The following IL1RAPL2 variants were observed in gnomAD, a reference collection of about 807,000 sequenced individuals.
IL1RAPL2 encodes the protein X-linked interleukin-1 receptor accessory protein-like 2.
In IL1RAPL2, 3 loss-of-function variants were observed where a neutral mutation model predicts 44.1. The observed-to-expected ratio is 0.07, with a 90% CI of 0.03 to 0.18. IL1RAPL2 has a LOEUF of 0.18. Ranked by LOEUF, IL1RAPL2 falls within the 10% of genes least tolerant of loss-of-function variation. The pLI, the probability that IL1RAPL2 is intolerant of heterozygous loss-of-function variation, is 1.00. For synonymous variants in IL1RAPL2, 181 were observed against 178.8 expected, an observed-to-expected ratio of 1.01 and a Z score of -0.10; for missense variants, 391 against 496.4, an observed-to-expected ratio of 0.79 and a Z score of 2.02.
intron 2 of IL1RAPL2, among the ~76,000 whole-genome samples, chrX:104,788,034 T>A (rs1265931534): frequency 9.0e-6 from 1 of 111,395 alleles, no homozygotes; most frequent in African/African-American, 3.3e-5. Flanking sequence ...AATCAGTAGA[T>A]GGCTGTGACA....
chrX:105,683,201 T>C (rs2037940106), intron 6 of IL1RAPL2, among the ~76,000 whole-genome samples: 1 of 111,847 alleles, frequency 8.9e-6, no homozygotes, highest in Non-Finnish European at 1.9e-5. Flanking sequence ...ACCTTTCTTA[T>C]AGTAGGTGAA....
intron 1 of IL1RAPL2, among the ~76,000 whole-genome samples, chrX:104,579,497 T>C (rs1459198334): frequency 9.0e-6 from 1 of 111,724 alleles, no homozygotes; most frequent in Non-Finnish European, 1.9e-5. Context: ...TGCAAGCTAA[T>C]GCAGGAACAG....
At chrX:105,097,704 A>T (rs1212582751) in intron 2 of IL1RAPL2, among the ~76,000 whole-genome samples, 1 of 111,475 alleles carries the variant, frequency 9.0e-6, no homozygotes, top group East Asian at 2.8e-4. Flanking sequence ...AATTAACTGT[A>T]ATTGAAAAAT....
chrX:105,482,296 A>AT (rs954480017), intron 5 of IL1RAPL2, among the ~76,000 whole-genome samples: 7 of 111,587 alleles, frequency 6.3e-5, no homozygotes, highest in Admixed American at 2.9e-4. Flanking sequence ...AAACATATTC[A>AT]TTTTTTTTAA....
intron 2 of IL1RAPL2, among the ~76,000 whole-genome samples, chrX:104,688,181 C>T (rs1931021707): frequency 1.8e-5 from 2 of 111,862 alleles, no homozygotes; most frequent in African/African-American, 6.5e-5. Context: ...TTCTGTCACC[C>T]GTCTTTCTAT....
chrX:105,267,399 A>G lies in IL1RAPL2; in HGVS notation c.555A>G (p.Pro185=), dbSNP rs146518821. ...PDVVWYKECK[P]KMWRSIIIQK... ...TATTTTATCTGCAGGAATGCAAGCC[A>G]AAAATGTGGAGAAGCATAATAATAC... Residue 185 remains proline, a synonymous_variant, in exon 5 of 11, where the codon CCA becomes CCG. Transcript: ENST00000372582. 27 of 1,193,894 alleles carry G rather than the reference A, an allele frequency of 2.3e-5. No homozygotes were observed. The highest frequency in any genetic ancestry group is 7.1e-5 in the African/African-American group (4 of 56,357).
chrX:104,945,463 A>T (rs905267314), intron 2 of IL1RAPL2, among the ~76,000 whole-genome samples: 2 of 111,105 alleles, frequency 1.8e-5, no homozygotes, highest in African/African-American at 6.5e-5. Context: ...AACTAAGAAA[A>T]TGTTTAAATG....
At chrX:105,292,675 T>C (rs1282044629) in intron 5 of IL1RAPL2, among the ~76,000 whole-genome samples, 1 of 111,989 alleles carries the variant, frequency 8.9e-6, no homozygotes, top group Non-Finnish European at 1.9e-5. Context: ...ATAAATATGT[T>C]ATGTAATAAA....
intron 2 of IL1RAPL2, among the ~76,000 whole-genome samples, chrX:104,930,333 C>T (rs1162970034): frequency 8.9e-6 from 1 of 112,005 alleles, no homozygotes; most frequent in African/African-American, 3.2e-5. Context: ...GTGCAGGGAA[C>T]CTCTGGAGAG....
intron 2 of IL1RAPL2, among the ~76,000 whole-genome samples, chrX:104,880,108 T>G (rs1923023244): frequency 9.0e-6 from 1 of 111,477 alleles, no homozygotes; most frequent in Non-Finnish European, 1.9e-5. Context: ...TACTTCTCCT[T>G]TAAGTAATTG....
At chrX:105,356,292 T>C (rs984155658) in intron 5 of IL1RAPL2, among the ~76,000 whole-genome samples, 2 of 110,759 alleles carry the variant, frequency 1.8e-5, no homozygotes, top group African/African-American at 6.6e-5. Flanking sequence ...GTTCAGTTTT[T>C]CTTAATGGGA....
chrX:104,914,548 C>A (rs1031549567), intron 2 of IL1RAPL2, among the ~76,000 whole-genome samples: 2 of 111,532 alleles, frequency 1.8e-5, no homozygotes, highest in South Asian at 7.6e-4. Flanking sequence ...ACAAAACACA[C>A]ATGTTGTGAT....
intron 1 of IL1RAPL2, among the ~76,000 whole-genome samples, chrX:104,657,761 C>A (rs1930299137): frequency 9.1e-6 from 1 of 110,086 alleles, no homozygotes; most frequent in African/African-American, 3.3e-5. Context: ...ACAAAGAGCT[C>A]AAACAAATTT....
intron 1 of IL1RAPL2, among the ~76,000 whole-genome samples, chrX:104,581,078 A>C (rs1313773344): frequency 8.9e-6 from 1 of 112,564 alleles, no homozygotes. Context: ...AGTGTTTTAA[A>C]TTATGCATCT....
intron 2 of IL1RAPL2, among the ~76,000 whole-genome samples, chrX:104,895,940 G>T (rs917602017): frequency 8.9e-6 from 1 of 111,907 alleles, no homozygotes; most frequent in Non-Finnish European, 1.9e-5. Context: ...CTCCCAAATA[G>T]ACTCTTTGGC....
intron 4 of IL1RAPL2, among the ~76,000 whole-genome samples, chrX:105,245,354 T>G (rs143006727): frequency 3.0e-4 from 34 of 111,783 alleles, no homozygotes; most frequent in African/African-American, 1.1e-3. Flanking sequence ...CTGCACGTAA[T>G]CACAGCTGGA....
intron 6 of IL1RAPL2, among the ~76,000 whole-genome samples, chrX:105,516,601 T>A (rs1010077434): frequency 6.3e-5 from 7 of 111,991 alleles, no homozygotes; most frequent in Non-Finnish European, 1.9e-5. Flanking sequence ...GAAAATCTCT[T>A]TGAAAACAGA....
intron 2 of IL1RAPL2, among the ~76,000 whole-genome samples, chrX:104,676,369 G>A (rs973399151): frequency 1.8e-5 from 2 of 110,009 alleles, no homozygotes; most frequent in African/African-American, 6.6e-5. Context: ...AGCTTAGTTT[G>A]GCTGGATATG....
intron 6 of IL1RAPL2, among the ~76,000 whole-genome samples, chrX:105,671,590 G>T (rs2037825038): frequency 8.9e-6 from 1 of 111,813 alleles, no homozygotes; most frequent in Non-Finnish European, 1.9e-5. Flanking sequence ...TCAAAAATTT[G>T]TCTTTGTGTT....
Sources: gnomAD v4.1 joint callset for allele counts (sites outside exome capture counted in the v4.1 genomes callset) on GRCh38, gnomAD v4.1.1 for gene constraint, MANE v1.5 for transcripts, NCBI Gene and HGNC (gene_info 2026-07-23, HGNC 2026-07-21) for gene names.